The following RELT variants were observed in gnomAD, a reference collection of about 807,000 sequenced individuals.
The protein encoded by RELT is tumor necrosis factor receptor superfamily member 19L.
A neutral mutation model predicts 51.1 loss-of-function variants in RELT; 37 were observed. The observed-to-expected ratio is 0.72, with a 90% CI of 0.56 to 0.95. RELT has a LOEUF of 0.95. Among genes scored for constraint, RELT ranks in the 40% least tolerant of loss-of-function variants. The pLI is 0.00. For missense variants in RELT, 535 were observed against 572.6 expected (o/e 0.93, Z 0.67); for synonymous variants, 241 against 235.7 (o/e 1.02, Z -0.21).
At chr11:73,376,938 G>A (rs1259435120) in intron 1 of RELT, 1 of 153,372 alleles carries the variant, frequency 6.5e-6, no homozygotes, top group Non-Finnish European at 1.5e-5. Context: ...GGGGGGTCTG[G>A]ATGGTGTCAG....
chr11:73,394,850 C>T lies in RELT; in HGVS notation c.1046+116C>T. 1 of 1,259,144 alleles carries T rather than the reference C, an allele frequency of 7.9e-7. No individual in the cohort carries two copies. Among genetic ancestry groups the T allele is most frequent in the Non-Finnish European group, 1.1e-6 (1 of 916,430 alleles). The allele number at this position is 1,259,144 out of a possible 1,614,324, so 78.0% of individuals were successfully genotyped here. A position where few individuals can be genotyped will look rare whatever the true frequency, so the allele number is the denominator to read the frequency against. ...GCACCCTGCTCAATGGGAGCCCTGC[C>T]CTTATTGGGCCTCTCTGGGCAGTGG... On this transcript the variant is annotated intron_variant, in intron 9 of 10. Coordinates refer to ENST00000064780, the MANE Select transcript of RELT (RefSeq NM_152222.2). This position sits in a 1 kb window ranked among gnomAD's most constrained non-coding sequence, Gnocchi z 4.9.
Position 73,394,006 on chromosome 11 carries a change from T to C in RELT, c.706+89T>C, listed in dbSNP as rs574730980. The C allele has an allele frequency of 1.4e-5, 18 of 1,283,858 alleles. No individual in the cohort carries two copies. In the East Asian group the frequency reaches 4.2e-4, roughly 30 times the overall value. The allele number at this position is 1,283,858 out of a possible 1,614,324, so 79.5% of individuals were successfully genotyped here. A position where few individuals can be genotyped will look rare whatever the true frequency, so the allele number is the denominator to read the frequency against. On this transcript the variant is annotated intron_variant, in intron 7 of 10. Transcript: ENST00000064780. The surrounding 1 kb of genome is among the most constrained non-coding windows in gnomAD (Gnocchi z 4.9). ...GAGGCAGCCGCGGTGGGCAGAGTCT[T>C]GCCCTGCTCTGCCTTCCCTGCCAGG... is the stretch of plus-strand genomic sequence containing the variant.
In RELT at chr11:73,394,274, CACAGCAA is replaced by C. The variant is rs1463399301; in HGVS notation, c.751_757del (p.Lys251TrpfsTer61). The C allele has an allele frequency of 6.2e-7, 1 of 1,612,070 alleles. No individual in the cohort carries two copies. Among genetic ancestry groups the C allele is most frequent in the South Asian group, 1.1e-5 (1 of 90,884 alleles). ...CCTGGAGGAGCTGCTGAAAGAGTAC[CACAGCAA>C]ACAGCTGGTGCAGACGAGCCACAGG... On this transcript the variant is annotated frameshift_variant, in exon 8 of 11. Transcript: ENST00000064780. LOFTEE classifies it high-confidence loss of function. This position sits in a 1 kb window ranked among gnomAD's most constrained non-coding sequence, Gnocchi z 4.9.
chr11:73,384,870 G>T (rs896262509), intron 1 of RELT, among the ~76,000 whole-genome samples: 2 of 152,334 alleles, frequency 1.3e-5, no homozygotes, highest in East Asian at 3.9e-4. Context: ...AGGGGGAGGT[G>T]GGGGAGAGGG....
chr11:73,382,000 C>T (rs1042821884), intron 1 of RELT, among the ~76,000 whole-genome samples: 1 of 152,170 alleles, frequency 6.6e-6, no homozygotes, highest in Non-Finnish European at 1.5e-5. Context: ...TCCCATGAGG[C>T]AGGGACTAGC....
Position 73,394,685 on chromosome 11 carries a change from G to A in RELT, c.997G>A (p.Gly333Arg), listed in dbSNP as rs34987293. ...LPNPTRVPKA[G>R]AKAGRQGEIT... ...TAACCCGACCAGGGTTCCCAAGGCC[G>A]GGGCCAAGGCAGGGCGTCAGGGCGA... The change falls in exon 9 of 11, where the codon GGG (glycine) becomes AGG (arginine). Residue 333 changes from glycine (G) to arginine (R), a missense_variant. Transcript: ENST00000064780. This position sits in a 1 kb window ranked among gnomAD's most constrained non-coding sequence, Gnocchi z 4.9. 115 of 1,613,328 alleles carry A rather than the reference G, an allele frequency of 7.1e-5. No homozygotes were observed. In the African/African-American group the frequency reaches 1.2e-3, roughly 17 times the overall value.
intron 4 of RELT, 83 bp from the exon 5 acceptor site, chr11:73,391,061 C>A: frequency 6.5e-7 from 1 of 1,526,962 alleles, no homozygotes; most frequent in Non-Finnish European, 9.0e-7. Context: ...ACGGAGGGTG[C>A]CTGGTAGGAA....
At chr11:73,387,281 G>A (rs11235729) in intron 1 of RELT, among the ~76,000 whole-genome samples, 43,701 of 152,042 alleles carry the variant, frequency 0.29, 8,089 homozygotes, top group African/African-American at 0.53. Context: ...TCTGTCTTGC[G>A]TAGTCAGGCC....
intron 5 of RELT, 96 bp downstream of exon 5, chr11:73,391,319 G>A (rs1866211962): frequency 1.8e-6 from 2 of 1,122,424 alleles, no homozygotes; most frequent in Non-Finnish European, 2.6e-6. Context: ...TCATGTGGGG[G>A]CAGTGGGGTC....
At chr11:73,377,619 G>A (rs1865990572) in intron 1 of RELT, among the ~76,000 whole-genome samples, 2 of 151,900 alleles carry the variant, frequency 1.3e-5, no homozygotes, top group African/African-American at 4.8e-5. Flanking sequence ...CCTACACCTG[G>A]CAAAGTTCTG....
At chr11:73,392,889 A>G in intron 6 of RELT, 1 of 1,051,554 alleles carries the variant, frequency 9.5e-7, no homozygotes, top group Non-Finnish European at 1.2e-6. Context: ...GGCAGGCACC[A>G]TAAGGGGCTC....
intron 2 of RELT, among the ~76,000 whole-genome samples, chr11:73,389,510 C>T (rs1275128857): frequency 6.6e-6 from 1 of 152,214 alleles, no homozygotes; most frequent in Non-Finnish European, 1.5e-5. Context: ...CAAAAGAGGC[C>T]TGGGATTTGG....
At chr11:73,392,094 GC>G in intron 5 of RELT, 116 bp from the exon 6 acceptor site, 1 of 1,198,570 alleles carries the variant, frequency 8.3e-7, no homozygotes, top group East Asian at 2.6e-5. Context: ...CGGGGAGTGG[GC>G]TCCCCTGGGC....
chr11:73,376,768 G>T (rs945815438), intron 1 of RELT: 1 of 152,166 alleles, frequency 6.6e-6, no homozygotes, highest in East Asian at 1.9e-4. Flanking sequence ...GCCCTGCGTG[G>T]TGGCTGTCGG....
intron 1 of RELT, among the ~76,000 whole-genome samples, chr11:73,377,108 G>A (rs958169936): frequency 3.9e-5 from 6 of 152,162 alleles, no homozygotes; most frequent in African/African-American, 1.2e-4. Context: ...GGAAAGACCC[G>A]GGGTCACTGG....
rs767205026 is a variant in RELT, at chr11:73,390,769, C to T, written c.135C>T (p.Gly45=). 9.3e-6 allele frequency: 15 copies of T among 1,609,538 alleles called. No individual in the cohort carries two copies. Among genetic ancestry groups the T allele is most frequent in the Non-Finnish European group, 1.1e-5 (13 of 1,178,346 alleles). The change falls in exon 4 of 11, where the codon GGC becomes GGT. Residue 45 remains glycine (G), a synonymous_variant. Coordinates refer to ENST00000064780, the MANE Select transcript of RELT (RefSeq NM_152222.2). The stretch of plus-strand genomic sequence containing the variant: ...ACCTCCCACAGGACCCAGGGCAGGG[C>T]ACATTATGCAGGCCCTGCCCCCCAG... ...GEEPDLDPGQ[G]TLCRPCPPGT... is the part of the protein sequence containing the mutation.
chr11:73,379,046 C>G (rs1223929630), intron 1 of RELT, among the ~76,000 whole-genome samples: 1 of 152,174 alleles, frequency 6.6e-6, no homozygotes, highest in African/African-American at 2.4e-5. Context: ...TCTCCCTGTT[C>G]TTCCCAGAGA....
Position 73,389,130 on chromosome 11 carries a change from C to A in RELT, c.-7C>A, listed in dbSNP as rs375601475. Reference sequence around the variant, plus strand: ...GCCCTAGGCCGGCGACCACCAGGGGCCTGAGGATGAAGCCAAGTCTGCTGT... The same window carrying A: ...GCCCTAGGCCGGCGACCACCAGGGGACTGAGGATGAAGCCAAGTCTGCTGT... On this transcript the variant is annotated 5_prime_UTR_variant, in exon 2 of 11. Coordinates refer to ENST00000064780, the MANE Select transcript of RELT (RefSeq NM_152222.2). 5 of 1,548,216 alleles carry A rather than the reference C, an allele frequency of 3.2e-6. 1 individual carries two copies. The South Asian group carries it at 5.9e-5, about 18-fold the overall frequency.
Position 73,394,898 on chromosome 11 carries a change from T to C in RELT, c.1046+164T>C. Reference sequence around the variant, plus strand: ...TGGAGGCGGCCAGAGAGATCAGGACTTTCCGGTTATGTTGTGTCTCACATG... The same window carrying C: ...TGGAGGCGGCCAGAGAGATCAGGACCTTCCGGTTATGTTGTGTCTCACATG... On this transcript the variant is annotated intron_variant, in intron 9 of 10. Transcript: ENST00000064780. This position sits in a 1 kb window ranked among gnomAD's most constrained non-coding sequence, Gnocchi z 4.9. The C allele has an allele frequency of 1.1e-6, 1 of 947,894 alleles. No homozygotes were observed. Among genetic ancestry groups the C allele is most frequent in the Non-Finnish European group, 1.6e-6 (1 of 643,894 alleles). 58.7% of individuals were successfully genotyped at this position (947,894 alleles called of 1,614,324 possible). A position where few individuals can be genotyped will look rare whatever the true frequency, so the allele number is the denominator to read the frequency against.
Sources: allele counts gnomAD v4.1 joint callset (sites outside exome capture counted in the v4.1 genomes callset), GRCh38; gene constraint gnomAD v4.1.1; non-coding constraint Gnocchi (gnomAD v3.1); transcripts MANE v1.5; gene names NCBI Gene and HGNC (gene_info 2026-07-23, HGNC 2026-07-21).